SEL1L3: variants seen among roughly 807,000 people sequenced by gnomAD.
SEL1L3 encodes the protein SEL1L family member 3.
A neutral mutation model predicts 142.8 loss-of-function variants in SEL1L3; 76 were observed. The observed-to-expected ratio is 0.53, with a 90% confidence interval of 0.44 to 0.64. SEL1L3 has a LOEUF of 0.64. Among genes scored for constraint, SEL1L3 ranks in the 30% least tolerant of loss-of-function variants. The probability of loss-of-function intolerance (pLI) is 0.00; values close to 1 mark genes in which losing one functional copy is unlikely to be tolerated. For missense variants in SEL1L3, 1,262 were observed against 1,381.7 expected (o/e 0.91, Z 1.37); for synonymous variants, 504 against 519.6 (o/e 0.97, Z 0.41).
rs1164687291 is a variant in SEL1L3, at chr4:25,862,934, G to A, written c.-98C>T. On this transcript the variant is annotated 5_prime_UTR_variant, in exon 1 of 24. Coordinates refer to ENST00000399878, the MANE Select transcript of SEL1L3 (RefSeq NM_015187.5). ...TTCCCGCCCGCCCCCGGCCGGGCCG[G>A]CCGCCGCGCGCGGGGCCACCTGCCG... 10 of 882,788 alleles carry A rather than the reference G, an allele frequency of 1.1e-5. No individual in the cohort carries two copies. The highest frequency in any genetic ancestry group is 1.9e-5 in the African/African-American group (1 of 53,264). 54.7% of individuals were successfully genotyped at this position (882,788 alleles called of 1,614,324 possible). A position where few individuals can be genotyped will look rare whatever the true frequency, so the allele number is the denominator to read the frequency against.
chr4:25,741,567 G>A, the SEL1L3 span, among the ~76,000 whole-genome samples: 2 of 151,746 alleles, frequency 1.3e-5, no homozygotes, highest in South Asian at 2.1e-4. Flanking sequence ...TTTTTTCTAC[G>A]AGGTTCTGCC....
chr4:25,772,542 G>C (rs1034224345), intron 17 of SEL1L3, among the ~76,000 whole-genome samples: 2 of 151,518 alleles, frequency 1.3e-5, no homozygotes, highest in Non-Finnish European at 2.9e-5. Context: ...GCTCATGGCC[G>C]CATTGATCTT....
chr4:25,748,586 A>T, intron 23 of SEL1L3, 22 bp from the exon 24 acceptor site: 1 of 1,601,458 alleles, frequency 6.2e-7, no homozygotes, highest in East Asian at 2.2e-5. Context: ...CATGCACAAC[A>T]GGTGCTGAAT....
intron 11 of SEL1L3, among the ~76,000 whole-genome samples, chr4:25,798,757 G>A (rs1712968723): frequency 6.6e-6 from 1 of 152,130 alleles, no homozygotes; most frequent in Admixed American, 6.5e-5. Flanking sequence ...GAACCCAGGA[G>A]GTGGAGGTTG....
intron 1 of SEL1L3, among the ~76,000 whole-genome samples, chr4:25,856,593 TAAAA>T (rs397765802): frequency 6.8e-5 from 8 of 117,114 alleles, no homozygotes; most frequent in East Asian, 2.6e-4. Flanking sequence ...GTATTGTAAT[TAAAA>T]AAAAAAAAAA....
At chr4:25,798,930 T>C (rs1712984734) in intron 11 of SEL1L3, among the ~76,000 whole-genome samples, 1 of 152,190 alleles carries the variant, frequency 6.6e-6, no homozygotes, top group South Asian at 2.1e-4. Context: ...TCAGAAATTT[T>C]CTGATAGTCC....
chr4:25,764,118 T>C (rs912071179), intron 20 of SEL1L3, among the ~76,000 whole-genome samples: 7 of 152,162 alleles, frequency 4.6e-5, no homozygotes, highest in Non-Finnish European at 8.8e-5. Flanking sequence ...CCAAAATGTA[T>C]AACCTCAATC....
chr4:25,835,136 C>T, intron 3 of SEL1L3, 61 bp downstream of exon 3: 2 of 1,600,138 alleles, frequency 1.2e-6, no homozygotes, highest in South Asian at 1.1e-5. Context: ...CACTAGCCTG[C>T]TCTGGTCCTC....
Position 25,835,315 on chromosome 4 carries a change from C to A in SEL1L3, c.742G>T (p.Ala248Ser), listed in dbSNP as rs561253955. The A allele has an allele frequency of 2.5e-6, 4 of 1,613,924 alleles. No individual in the cohort carries two copies. In the African/African-American group the frequency reaches 5.3e-5, roughly 22 times the overall value. ...GAGGCATAAGGAAAGCCAAGCAGGG[C>A]AACCACATCTGCAAACAGCAAAATG... ...PQCPLENDVV[A>S]LLGFPYASSG... Residue 248 changes from alanine (A) to serine (S), a missense_variant, in exon 3 of 24, where the codon GCC becomes TCC. Around this residue, in one of 3 missense-constraint regions of SEL1L3, gnomAD observed 689 missense variants for 692.8 expected, o/e 0.99. Coordinates refer to ENST00000399878, the MANE Select transcript of SEL1L3 (RefSeq NM_015187.5).
At chr4:25,824,529 C>T (rs536145983) in intron 6 of SEL1L3, among the ~76,000 whole-genome samples, 11 of 152,318 alleles carry the variant, frequency 7.2e-5, no homozygotes, top group Non-Finnish European at 1.3e-4. Context: ...GACACCATAA[C>T]CATCAGCAAC....
At chr4:25,722,640 A>G in the SEL1L3 span, among the ~76,000 whole-genome samples, 1 of 86,886 alleles carries the variant, frequency 1.2e-5, no homozygotes, top group Admixed American at 1.2e-4. Context: ...TTTTTTTTTT[A>G]GAGATAGGGT....
At chr4:25,778,744 G>T (rs1311185629) in intron 16 of SEL1L3, among the ~76,000 whole-genome samples, 1 of 151,944 alleles carries the variant, frequency 6.6e-6, no homozygotes, top group Non-Finnish European at 1.5e-5. Context: ...AGTGGTATAA[G>T]CATGTTATTT....
intron 9 of SEL1L3, among the ~76,000 whole-genome samples, chr4:25,806,961 C>T (rs866056514): frequency 1.3e-5 from 2 of 152,102 alleles, no homozygotes; most frequent in Non-Finnish European, 2.9e-5. Context: ...CTATTAAAAG[C>T]GTGGTATGTA....
intron 2 of SEL1L3, among the ~76,000 whole-genome samples, chr4:25,846,994 C>T (rs1007274736): frequency 2.7e-5 from 4 of 150,616 alleles, no homozygotes; most frequent in South Asian, 2.1e-4. Context: ...ATCCTTGTTT[C>T]GGTGGCATGA....
chr4:25,783,557 C>T (rs181431890), intron 14 of SEL1L3, among the ~76,000 whole-genome samples: 15 of 152,276 alleles, frequency 9.9e-5, no homozygotes, highest in Non-Finnish European at 1.5e-4. Flanking sequence ...TTTATTTGGA[C>T]ATCGGTATGC....
intron 8 of SEL1L3, among the ~76,000 whole-genome samples, chr4:25,818,958 G>A (rs944733848): frequency 6.6e-6 from 1 of 152,114 alleles, no homozygotes; most frequent in African/African-American, 2.4e-5. Context: ...TGTTTGAGAT[G>A]CATCCCTCCC....
chr4:25,744,185 A>G (rs1421423556), downstream of SEL1L3, among the ~76,000 whole-genome samples: 8 of 152,110 alleles, frequency 5.3e-5, no homozygotes, highest in Admixed American at 2.0e-4. Flanking sequence ...CCAGCCTCCC[A>G]TGGTGTAAGG....
the SEL1L3 span, among the ~76,000 whole-genome samples, chr4:25,742,357 TGTA>T: frequency 2.0e-5 from 3 of 152,080 alleles, no homozygotes; most frequent in East Asian, 5.8e-4. Context: ...GGCTAATTTT[TGTA>T]GTTTTTGTAG....
At chr4:25,741,740 A>C in the SEL1L3 span, among the ~76,000 whole-genome samples, 2 of 151,912 alleles carry the variant, frequency 1.3e-5, no homozygotes, top group Non-Finnish European at 1.5e-5. Context: ...CTGTATTTTT[A>C]TATACTGCTT....
Sources: allele counts gnomAD v4.1 joint callset (sites outside exome capture counted in the v4.1 genomes callset), GRCh38; gene constraint gnomAD v4.1.1; regional missense constraint gnomAD v4.1.1; transcripts MANE v1.5; gene names NCBI Gene and HGNC (gene_info 2026-07-23, HGNC 2026-07-21).